Variants in SEPTIN14 observed in about 807,000 individuals in gnomAD.
SEPTIN14 encodes the protein septin 14.
A neutral mutation model predicts 53.6 loss-of-function variants in SEPTIN14; 40 were observed. The observed-to-expected ratio is 0.75, with a 90% confidence interval of 0.58 to 0.97. SEPTIN14 has a LOEUF of 0.97. SEPTIN14 is among the 50% of genes least tolerant of loss of function. SEPTIN14 has a pLI of 0.00. For synonymous variants in SEPTIN14, 138 were observed against 166.8 expected, an observed-to-expected ratio of 0.83 and a Z score of 1.33; for missense variants, 471 against 508.2, an observed-to-expected ratio of 0.93 and a Z score of 0.70.
chr7:55,823,140 G>C (rs1401859776), intron 6 of SEPTIN14, among the ~76,000 whole-genome samples: 1 of 152,198 alleles, frequency 6.6e-6, no homozygotes, highest in African/African-American at 2.4e-5. Context: ...CCATGGACTG[G>C]ATTGAGAACC....
At chr7:55,859,182 A>G (rs987362303) in intron 2 of SEPTIN14, among the ~76,000 whole-genome samples, 14 of 152,116 alleles carry the variant, frequency 9.2e-5, no homozygotes, top group African/African-American at 3.4e-4. Flanking sequence ...GTCAAGACCA[A>G]TGTCCAGGAC....
At chr7:55,811,128 T>C (rs577714359) in intron 7 of SEPTIN14, 8 of 481,656 alleles carry the variant, frequency 1.7e-5, no homozygotes, top group Middle Eastern at 6.8e-4. Flanking sequence ...CGCGGTGATA[T>C]CCAGGTCAGC....
intron 9 of SEPTIN14, among the ~76,000 whole-genome samples, chr7:55,801,862 A>G (rs1365999868): frequency 2.6e-5 from 4 of 152,116 alleles, no homozygotes; most frequent in Non-Finnish European, 5.9e-5. Flanking sequence ...TGGAAGTTGC[A>G]ATGAGCTGAG....
At chr7:55,820,470 C>T (rs1788872570) in intron 6 of SEPTIN14, among the ~76,000 whole-genome samples, 1 of 152,162 alleles carries the variant, frequency 6.6e-6, no homozygotes, top group South Asian at 2.1e-4. Context: ...CTCTGTGTTT[C>T]AGATCCTTCA....
intron 5 of SEPTIN14, among the ~76,000 whole-genome samples, chr7:55,836,977 G>A (rs910996792): frequency 6.6e-6 from 1 of 152,090 alleles, no homozygotes; most frequent in African/African-American, 2.4e-5. Context: ...AAATAAAGAT[G>A]TCTTCAACTA....
chr7:55,845,524 A>G (rs1004190049), intron 3 of SEPTIN14, among the ~76,000 whole-genome samples: 2 of 152,186 alleles, frequency 1.3e-5, no homozygotes, highest in African/African-American at 2.4e-5. Flanking sequence ...GTATATTTCA[A>G]AATAATCAAG....
intron 2 of SEPTIN14, among the ~76,000 whole-genome samples, chr7:55,857,548 AGG>A (rs1466604387): frequency 1.6e-3 from 69 of 43,636 alleles, no homozygotes; most frequent in African/African-American, 6.9e-3. Context: ...GGAAGAGAGG[AGG>A]GGAGGGGAGG....
At chr7:55,821,621 G>C (rs1164908919) in intron 6 of SEPTIN14, among the ~76,000 whole-genome samples, 1 of 143,566 alleles carries the variant, frequency 7.0e-6, no homozygotes, top group Non-Finnish European at 1.5e-5. Context: ...TAGACCAATG[G>C]AATCAAATAC....
intron 7 of SEPTIN14, among the ~76,000 whole-genome samples, chr7:55,817,406 A>T (rs952494009): frequency 2.0e-5 from 3 of 151,886 alleles, no homozygotes; most frequent in African/African-American, 7.3e-5. Flanking sequence ...GTTAGGTAAG[A>T]ACAAGTTAAA....
chr7:55,814,759 T>C (rs754523958), intron 7 of SEPTIN14, among the ~76,000 whole-genome samples: 3 of 152,186 alleles, frequency 2.0e-5, no homozygotes, highest in Non-Finnish European at 4.4e-5. Flanking sequence ...ATGCGATCCC[T>C]ATCAAAATAC....
intron 6 of SEPTIN14, among the ~76,000 whole-genome samples, chr7:55,830,118 C>A (rs1239787169): frequency 1.4e-5 from 2 of 147,254 alleles, no homozygotes; most frequent in African/African-American, 5.0e-5. Flanking sequence ...GCGGAGCTTG[C>A]AGTGAGCAGA....
At chr7:55,801,394 A>G (rs1264781981) in intron 9 of SEPTIN14, among the ~76,000 whole-genome samples, 5 of 152,152 alleles carry the variant, frequency 3.3e-5, no homozygotes, top group Non-Finnish European at 1.5e-5. Flanking sequence ...TGATCATGAG[A>G]CTACTATGAA....
intron 6 of SEPTIN14, among the ~76,000 whole-genome samples, chr7:55,822,031 T>C (rs1236667517): frequency 6.6e-6 from 1 of 152,076 alleles, no homozygotes; most frequent in Non-Finnish European, 1.5e-5. Context: ...ACCTGTCAGA[T>C]CTCGTGAGAC....
chr7:55,819,368 T>A, intron 6 of SEPTIN14, 145 bp from the exon 7 acceptor site: 1 of 633,866 alleles, frequency 1.6e-6, no homozygotes, highest in Non-Finnish European at 2.8e-6. Flanking sequence ...GGTGGGCGGA[T>A]CATGAGGTCA....
At chr7:55,823,002 T>A (rs981796056) in intron 6 of SEPTIN14, among the ~76,000 whole-genome samples, 4 of 152,188 alleles carry the variant, frequency 2.6e-5, no homozygotes, top group Non-Finnish European at 5.9e-5. Context: ...AATTGCAAGT[T>A]AGCTCACTGC....
At chr7:55,815,408 G>A (rs1788774760) in intron 7 of SEPTIN14, among the ~76,000 whole-genome samples, 1 of 152,054 alleles carries the variant, frequency 6.6e-6, no homozygotes. Context: ...TATTTAAGAA[G>A]CTCAAACAAC....
chr7:55,850,974 G>A (rs967258395), intron 2 of SEPTIN14: 2 of 152,068 alleles, frequency 1.3e-5, no homozygotes, highest in African/African-American at 4.8e-5. Flanking sequence ...CTACTCAGGA[G>A]GCTAAGAGAG....
In SEPTIN14 at chr7:55,795,934, T is replaced by G; in HGVS notation, c.1278A>C (p.Lys426Asn). Residue 426 changes from lysine to asparagine, a missense_variant, in exon 10 of 10, where the codon AAA becomes AAC. Lys to Asn is a moderately conservative substitution (Grantham distance 94, BLOSUM62 0). Transcript: ENST00000388975. ...ACTATTATTTCTTACGATGTTTGTC[T>G]TTCTTTGTATCGGTGCTCAGCTGAG... The part of the protein sequence containing the change: ...LQTQLSTDTK[K>N]DKHRKK 6 of 1,594,346 alleles carry G rather than the reference T, an allele frequency of 3.8e-6. No individual in the cohort carries two copies. The highest frequency in any genetic ancestry group is 5.1e-6 in the Non-Finnish European group (6 of 1,178,068).
intron 6 of SEPTIN14, among the ~76,000 whole-genome samples, chr7:55,824,319 G>T (rs1788947876): frequency 1.3e-5 from 2 of 151,908 alleles, no homozygotes; most frequent in African/African-American, 4.8e-5. Flanking sequence ...TTAAAAATGG[G>T]CACAAGATCC....
Sources: gnomAD v4.1 joint callset for allele counts (sites outside exome capture counted in the v4.1 genomes callset) on GRCh38, gnomAD v4.1.1 for gene constraint, MANE v1.5 for transcripts, NCBI Gene and HGNC (gene_info 2026-07-23, HGNC 2026-07-21) for gene names.